ITIH5: variants seen among roughly 807,000 people sequenced by gnomAD.
ITIH5 encodes inter-alpha-trypsin inhibitor heavy chain H5.
Under a neutral mutation model 77.5 loss-of-function variants are expected in ITIH5, and 65 were observed. The ratio of observed to expected loss-of-function variants is 0.84; its 90% confidence interval spans 0.69 to 1.03. The LOEUF is 1.03. Ranked by LOEUF, ITIH5 falls within the 50% of genes least tolerant of loss-of-function variation. ITIH5 has a pLI of 0.00. For synonymous variants in ITIH5, 525 were observed against 494.3 expected, an observed-to-expected ratio of 1.06 and a Z score of -0.82; for missense variants, 1,208 against 1,213.1, an observed-to-expected ratio of 1.00 and a Z score of 0.06.
At chr10:7,656,530 A>G (rs113048640) in intron 1 of ITIH5, among the ~76,000 whole-genome samples, 1 of 151,672 alleles carries the variant, frequency 6.6e-6, no homozygotes, top group African/African-American at 2.4e-5. Flanking sequence ...GATTTTTTTT[A>G]AAAAAAACTC....
intron 5 of ITIH5, among the ~76,000 whole-genome samples, chr10:7,624,557 C>A (rs1375414544): frequency 2.0e-5 from 3 of 151,050 alleles, no homozygotes; most frequent in Non-Finnish European, 4.4e-5. Flanking sequence ...GTGGCTCATG[C>A]CTATAATCCC....
At chr10:7,625,835 T>C (rs1833568903) in intron 5 of ITIH5, among the ~76,000 whole-genome samples, 1 of 152,144 alleles carries the variant, frequency 6.6e-6, no homozygotes, top group African/African-American at 2.4e-5. Context: ...TTTTACATTG[T>C]GTGCTTTTTA....
intron 5 of ITIH5, among the ~76,000 whole-genome samples, chr10:7,631,823 G>A (rs1833717892): frequency 6.8e-6 from 1 of 146,304 alleles, no homozygotes; most frequent in South Asian, 2.2e-4. Context: ...ATCTGACTCT[G>A]TCACCCAGGC....
At chr10:7,574,871 C>G (rs1215151493) in intron 10 of ITIH5, among the ~76,000 whole-genome samples, 1 of 151,772 alleles carries the variant, frequency 6.6e-6, no homozygotes, top group Non-Finnish European at 1.5e-5. Context: ...TCTTTCTGGC[C>G]CCCCGAGTCT....
intron 4 of ITIH5, among the ~76,000 whole-genome samples, chr10:7,637,744 C>A (rs923916758): frequency 1.3e-5 from 2 of 152,294 alleles, no homozygotes; most frequent in East Asian, 3.9e-4. Context: ...CTGAGACAGA[C>A]CCAAGGGAGC....
At chr10:7,579,023 A>G (rs1381778181) in intron 9 of ITIH5, among the ~76,000 whole-genome samples, 3 of 152,366 alleles carry the variant, frequency 2.0e-5, no homozygotes, top group East Asian at 3.9e-4. Flanking sequence ...ACTTGCTCAC[A>G]GGGTAGAATA....
intron 11 of ITIH5, chr10:7,572,424 A>C (rs781689796): frequency 7.4e-7 from 1 of 1,359,174 alleles, no homozygotes; most frequent in Admixed American, 1.9e-5. Flanking sequence ...ACAAAAACAA[A>C]GCCTGCCTGT....
At chr10:7,657,115 G>A (rs1331819734) in intron 1 of ITIH5, among the ~76,000 whole-genome samples, 1 of 147,180 alleles carries the variant, frequency 6.8e-6, no homozygotes, top group Non-Finnish European at 1.5e-5. Flanking sequence ...CGCCACCTTG[G>A]CTCACTGCAA....
At chr10:7,595,032 C>T (rs1022328966) in intron 7 of ITIH5, among the ~76,000 whole-genome samples, 1 of 152,148 alleles carries the variant, frequency 6.6e-6, no homozygotes, top group Non-Finnish European at 1.5e-5. Flanking sequence ...GGACAAGCTG[C>T]AGACATGGGT....
At chr10:7,612,520 T>A (rs1833268319) in intron 7 of ITIH5, among the ~76,000 whole-genome samples, 1 of 151,896 alleles carries the variant, frequency 6.6e-6, no homozygotes, top group East Asian at 1.9e-4. Flanking sequence ...AATATGGGGG[T>A]GAATAAAAAC....
rs75233092 is a variant in ITIH5 at position 7,576,615 on chromosome 10, G to A, written c.1816C>T (p.Gln606Ter). 1 of 1,614,094 alleles carries A rather than the reference G, an allele frequency of 6.2e-7. No homozygotes were observed. The highest frequency in any genetic ancestry group is 2.2e-5 in the East Asian group (1 of 44,886). Residue 606 changes from glutamine to a stop codon, truncating the protein, a stop_gained, in exon 10 of 14, where the codon CAG (glutamine) becomes TAG (stop). Transcript: ENST00000397146. LOFTEE classifies it high-confidence loss of function. ...AAGCGGTAGCTCACAGCCAGGGCCTGGGCCCGCTGCCGCAGCCGCTCCTTC... is the reference window on the plus strand; with the variant it reads ...AAGCGGTAGCTCACAGCCAGGGCCTAGGCCCGCTGCCGCAGCCGCTCCTTC... Reference protein sequence around the residue: ...PEKERLRQRAQALAVSYRFLT... With the variant: ...PEKERLRQRA
At chr10:7,632,809 AAAGT>A (rs1833733771) in intron 5 of ITIH5, among the ~76,000 whole-genome samples, 1 of 152,176 alleles carries the variant, frequency 6.6e-6, no homozygotes, top group South Asian at 2.1e-4. Flanking sequence ...CAAGGATAAT[AAAGT>A]AAGTAAGGTA....
At position 7,629,063 on chromosome 10, in the gene ITIH5, G is replaced by A. The variant is rs543869679; in HGVS notation, c.652+8165C>T. Reference sequence around the variant, plus strand: ...TTGTAGCGTGTGTCCATGTTGTAGCGTGTGCCCATGTTGTAGCGTGTATCC... The same window carrying A: ...TTGTAGCGTGTGTCCATGTTGTAGCATGTGCCCATGTTGTAGCGTGTATCC... On this transcript the variant is annotated intron_variant, in intron 5 of 13. Transcript: ENST00000397146. Among the ~76,000 whole-genome samples the A allele has an allele frequency of 4.1e-3, 536 of 129,996 alleles. 15 individuals carry two copies. Among genetic ancestry groups the A allele is most frequent in the African/African-American group, 0.014 (503 of 35,918 alleles). The allele number at this position is 129,996 out of a possible 152,430, so 85.3% of individuals were successfully genotyped here.
chr10:7,597,044 C>CAAAAA (rs71383924), intron 7 of ITIH5, among the ~76,000 whole-genome samples: 903 of 36,498 alleles, frequency 0.025, 49 homozygotes, highest in South Asian at 0.1. Context: ...GTCTCCAACT[C>CAAAAA]AAAAAAAAAA....
intron 7 of ITIH5, among the ~76,000 whole-genome samples, chr10:7,595,465 A>G (rs1479153883): frequency 1.3e-5 from 2 of 152,284 alleles, no homozygotes; most frequent in South Asian, 2.1e-4. Context: ...GTTTAATACT[A>G]TTTTATGGTG....
intron 2 of ITIH5, among the ~76,000 whole-genome samples, chr10:7,647,352 C>T (rs1225460463): frequency 2.6e-5 from 4 of 152,182 alleles, no homozygotes; most frequent in African/African-American, 9.7e-5. Context: ...TTCAGCTGAG[C>T]CCAGCTGCTC....
intron 2 of ITIH5, among the ~76,000 whole-genome samples, chr10:7,651,439 C>G (rs1304268010): frequency 6.6e-6 from 1 of 151,906 alleles, no homozygotes; most frequent in East Asian, 1.9e-4. Context: ...GAAAATTAGC[C>G]GAGCGCGATG....
intron 12 of ITIH5, chr10:7,569,376 C>G: frequency 6.9e-6 from 2 of 289,198 alleles, no homozygotes; most frequent in Non-Finnish European, 1.3e-5. Context: ...TAACCAGTTT[C>G]ATTTGATCCA....
chr10:7,580,113 C>T lies in ITIH5; in HGVS notation c.1109-49G>A. On this transcript the variant is annotated intron_variant, in intron 8 of 13. Coordinates refer to ENST00000397146, the MANE Select transcript of ITIH5 (RefSeq NM_030569.7). Reference sequence around the variant, plus strand: ...GCTCAAGCCTCTGCACTCACCTCCGCACTCTGATTGCACTTTCTTTTTTTT... The same window carrying T: ...GCTCAAGCCTCTGCACTCACCTCCGTACTCTGATTGCACTTTCTTTTTTTT... 3.5e-6 allele frequency: 5 copies of T among 1,426,192 alleles called. No homozygotes were observed. The South Asian group carries it at 3.7e-5, about 11-fold the overall frequency. 88.3% of individuals were successfully genotyped at this position (1,426,192 alleles called of 1,614,324 possible). A position where few individuals can be genotyped will look rare whatever the true frequency, so the allele number is the denominator to read the frequency against.
Sources: gnomAD v4.1 joint callset for allele counts (sites outside exome capture counted in the v4.1 genomes callset) on GRCh38, gnomAD v4.1.1 for gene constraint, MANE v1.5 for transcripts, NCBI Gene and HGNC (gene_info 2026-07-23, HGNC 2026-07-21) for gene names.